The following HERC3 variants were observed in gnomAD, a reference collection of about 807,000 sequenced individuals.
HERC3 encodes probable E3 ubiquitin-protein ligase HERC3.
In HERC3, 58 loss-of-function variants were observed where a neutral mutation model predicts 129.9. That is an observed-to-expected ratio of 0.45 (90% CI 0.36 to 0.56). The LOEUF (loss-of-function observed/expected upper bound fraction) is 0.56. Ranked by LOEUF, HERC3 falls within the 20% of genes least tolerant of loss-of-function variation. The probability of loss-of-function intolerance (pLI) is 0.00; values close to 1 mark genes in which losing one functional copy is unlikely to be tolerated. For synonymous variants in HERC3, 430 were observed against 451.0 expected, an observed-to-expected ratio of 0.95 and a Z score of 0.59; for missense variants, 835 against 1,244.2, an observed-to-expected ratio of 0.67 and a Z score of 4.95.
the HERC3 span, among the ~76,000 whole-genome samples, chr4:88,556,452 GA>G: frequency 2.6e-5 from 4 of 151,904 alleles, no homozygotes; most frequent in Admixed American, 1.3e-4. Flanking sequence ...CCCATTTAAA[GA>G]AAAAAAGCAA....
intron 12 of HERC3, among the ~76,000 whole-genome samples, chr4:88,665,294 A>G (rs1240491123): frequency 6.6e-6 from 1 of 152,188 alleles, no homozygotes; most frequent in Non-Finnish European, 1.5e-5. Flanking sequence ...ATAGCTTAGT[A>G]TAAGTCCAAA....
the HERC3 span, chr4:88,525,001 TG>T: frequency 6.7e-6 from 1 of 150,070 alleles, no homozygotes; most frequent in Non-Finnish European, 1.5e-5. Flanking sequence ...ATTTTTTGTT[TG>T]TTTTTTGGGC....
At chr4:88,553,096 A>T in the HERC3 span, among the ~76,000 whole-genome samples, 19 of 152,220 alleles carry the variant, frequency 1.2e-4, no homozygotes, top group Non-Finnish European at 2.5e-4. Flanking sequence ...GCTGAAATCT[A>T]TGAGACAGAA....
At chr4:88,644,320 A>G (rs527476635) in intron 3 of HERC3, among the ~76,000 whole-genome samples, 1 of 152,184 alleles carries the variant, frequency 6.6e-6, no homozygotes, top group Non-Finnish European at 1.5e-5. Flanking sequence ...TTATTGTCAT[A>G]CAGTAAGCTG....
Position 88,669,997 on chromosome 4 carries a change from C to T in HERC3, c.1771C>T (p.Leu591Phe). 6.2e-7 allele frequency: 1 copy of T among 1,613,860 alleles called. No individual in the cohort carries two copies. Among genetic ancestry groups the T allele is most frequent in the Non-Finnish European group, 8.5e-7 (1 of 1,179,874 alleles). The change falls in exon 15 of 26, where the codon CTC (leucine) becomes TTC (phenylalanine). Residue 591 changes from leucine to phenylalanine, a missense_variant. Coordinates refer to ENST00000402738, the MANE Select transcript of HERC3 (RefSeq NM_014606.3). ...GTTTAACAATTATATCACAGCAGCT[C>T]TCAAACTCTTGGAGAAGTTATATAA... is the stretch of plus-strand genomic sequence containing the variant. ...VLFNNYITAA[L>F]KLLEKLYKVN...
chr4:88,536,046 A>G, the HERC3 span, among the ~76,000 whole-genome samples: 157 of 152,272 alleles, frequency 1.0e-3, no homozygotes, highest in African/African-American at 3.6e-3. Context: ...AGTTTAACAA[A>G]TTAGTTATTC....
chr4:88,652,148 C>G (rs1333859763), intron 5 of HERC3, 60 bp downstream of exon 5: 2 of 1,279,918 alleles, frequency 1.6e-6, no homozygotes, highest in Non-Finnish European at 2.3e-6. Flanking sequence ...TTCTCTTTGT[C>G]TTTTTGTGTG....
chr4:88,695,287 A>C (rs1734488501), intron 23 of HERC3, among the ~76,000 whole-genome samples: 1 of 152,160 alleles, frequency 6.6e-6, no homozygotes, highest in Non-Finnish European at 1.5e-5. Flanking sequence ...GCTGCCTTCC[A>C]TTCCCTAGGA....
At chr4:88,539,423 T>C in the HERC3 span, among the ~76,000 whole-genome samples, 1 of 152,172 alleles carries the variant, frequency 6.6e-6, no homozygotes, top group Non-Finnish European at 1.5e-5. Context: ...CCAGGAAGCT[T>C]GAACTGGGCA....
At chr4:88,693,158 G>A in intron 23 of HERC3, 1 of 985,012 alleles carries the variant, frequency 1.0e-6, no homozygotes, top group Non-Finnish European at 1.2e-6. Flanking sequence ...TTGAATATTT[G>A]GCTTGTTTGT....
chr4:88,600,153 T>C (rs1722822218), intron 2 of HERC3, among the ~76,000 whole-genome samples: 1 of 152,228 alleles, frequency 6.6e-6, no homozygotes. Context: ...TTATTATTAA[T>C]AATGTCATTA....
intron 3 of HERC3, among the ~76,000 whole-genome samples, chr4:88,637,221 C>G (rs557934405): frequency 4.5e-4 from 68 of 151,996 alleles, no homozygotes; most frequent in African/African-American, 1.5e-3. Flanking sequence ...GTCAGGAGAT[C>G]GAGACCATCC....
intron 10 of HERC3, among the ~76,000 whole-genome samples, chr4:88,660,770 C>T (rs1291972891): frequency 1.3e-5 from 2 of 151,976 alleles, no homozygotes; most frequent in Admixed American, 1.3e-4. Context: ...CTTCTTTTTC[C>T]TGGAACAGTG....
the HERC3 span, among the ~76,000 whole-genome samples, chr4:88,562,931 A>C: frequency 6.6e-6 from 1 of 152,132 alleles, no homozygotes; most frequent in Admixed American, 6.6e-5. Context: ...AAGTCAGGTA[A>C]TATGATTTCT....
At chr4:88,693,280 A>C (rs781420631) in intron 23 of HERC3, 8 of 974,962 alleles carry the variant, frequency 8.2e-6, no homozygotes, top group Middle Eastern at 1.0e-3. Context: ...TTTGCTTTTT[A>C]ATGATAAGGT....
intron 1 of HERC3, 148 bp downstream of exon 1, chr4:88,592,722 G>T (rs910663868): frequency 6.5e-6 from 1 of 152,856 alleles, no homozygotes; most frequent in African/African-American, 2.4e-5. Flanking sequence ...GGCGGGGGCT[G>T]CAGGCACCTC....
chr4:88,572,260 A>G, the HERC3 span, among the ~76,000 whole-genome samples: 2 of 151,942 alleles, frequency 1.3e-5, no homozygotes, highest in Non-Finnish European at 2.9e-5. Context: ...CTCATCTCCA[A>G]AAAAGTGTAT....
chr4:88,625,777 A>G (rs1002066155), intron 3 of HERC3, among the ~76,000 whole-genome samples: 2 of 152,224 alleles, frequency 1.3e-5, no homozygotes, highest in Non-Finnish European at 2.9e-5. Flanking sequence ...TGTGATGTTA[A>G]CAGTAGGGTT....
At chr4:88,609,549 T>A (rs1487759978) in intron 3 of HERC3, among the ~76,000 whole-genome samples, 1 of 152,144 alleles carries the variant, frequency 6.6e-6, no homozygotes, top group Non-Finnish European at 1.5e-5. Flanking sequence ...CAGGAAATAA[T>A]TGCCTGTCCC....
Sources: allele counts gnomAD v4.1 joint callset (sites outside exome capture counted in the v4.1 genomes callset), GRCh38; gene constraint gnomAD v4.1.1; transcripts MANE v1.5; gene names NCBI Gene and HGNC (gene_info 2026-07-23, HGNC 2026-07-21).